ZNF407: variants seen among roughly 807,000 people sequenced by gnomAD.
ZNF407 encodes the protein zinc finger protein 407.
In ZNF407, 17 loss-of-function variants were observed where a neutral mutation model predicts 131.2. That is an observed-to-expected ratio of 0.13 (90% CI 0.09 to 0.19). ZNF407 has a LOEUF of 0.19. ZNF407 is among the 10% of genes least tolerant of loss of function. The probability of loss-of-function intolerance (pLI) is 1.00; values close to 1 mark genes in which losing one functional copy is unlikely to be tolerated. For missense variants in ZNF407, 2,681 were observed against 2,830.6 expected, an observed-to-expected ratio of 0.95 and a Z score of 1.20; for synonymous variants, 1,156 against 1,062.0, an observed-to-expected ratio of 1.09 and a Z score of -1.72.
chr18:74,972,862 G>A (rs1397131029), intron 8 of ZNF407, among the ~76,000 whole-genome samples: 1 of 152,104 alleles, frequency 6.6e-6, no homozygotes, highest in African/African-American at 2.4e-5. Flanking sequence ...CTTCTGTGCA[G>A]TATATAATTG....
At chr18:74,983,277 C>T (rs1458282603) in intron 8 of ZNF407, among the ~76,000 whole-genome samples, 2 of 152,056 alleles carry the variant, frequency 1.3e-5, no homozygotes, top group Non-Finnish European at 2.9e-5. Context: ...CTTTTCCTGC[C>T]ATTGTGTTCT....
At chr18:74,930,025 C>CA (rs1971963878) in intron 8 of ZNF407, among the ~76,000 whole-genome samples, 1 of 152,174 alleles carries the variant, frequency 6.6e-6, no homozygotes, top group Non-Finnish European at 1.5e-5. Flanking sequence ...AGCATTAATA[C>CA]GTTGCCATTT....
chr18:74,674,821 G>C (rs1249794916), intron 3 of ZNF407, among the ~76,000 whole-genome samples: 1 of 152,166 alleles, frequency 6.6e-6, no homozygotes, highest in African/African-American at 2.4e-5. Flanking sequence ...ACAGGATTTG[G>C]CTGAATGTTG....
intron 8 of ZNF407, among the ~76,000 whole-genome samples, chr18:75,039,035 G>A (rs1973342351): frequency 6.6e-6 from 1 of 152,212 alleles, no homozygotes; most frequent in Admixed American, 6.5e-5. Context: ...AGCTTGTGAT[G>A]TACTCTAGTG....
At chr18:74,885,121 A>C (rs1434103461) in intron 6 of ZNF407, among the ~76,000 whole-genome samples, 1 of 152,174 alleles carries the variant, frequency 6.6e-6, no homozygotes, top group African/African-American at 2.4e-5. Context: ...TTGAAAGTAT[A>C]AGATTTATAC....
intron 3 of ZNF407, among the ~76,000 whole-genome samples, chr18:74,777,293 T>A (rs1969492553): frequency 2.6e-5 from 4 of 152,172 alleles, no homozygotes; most frequent in Admixed American, 2.6e-4. Flanking sequence ...AATTTTAAGT[T>A]GTACTGTGTC....
At chr18:74,683,264 G>A (rs773133858) in intron 3 of ZNF407, among the ~76,000 whole-genome samples, 22 of 152,098 alleles carry the variant, frequency 1.4e-4, no homozygotes, top group Non-Finnish European at 2.9e-4. Flanking sequence ...AGAGACTTAC[G>A]CTTTTGATTT....
intron 3 of ZNF407, among the ~76,000 whole-genome samples, chr18:74,668,716 T>G (rs183322997): frequency 1.7e-4 from 26 of 152,340 alleles, no homozygotes; most frequent in African/African-American, 6.3e-4. Context: ...TGCATGAATA[T>G]TGGATCTTTA....
chr18:74,889,999 C>G lies in ZNF407; in HGVS notation c.5210C>G (p.Thr1737Ser), dbSNP rs887068680. The G allele has an allele frequency of 5.0e-6, 8 of 1,603,548 alleles. No homozygotes were observed. The African/African-American group carries it at 1.1e-4, about 21-fold the overall frequency. Reference sequence around the variant, plus strand: ...TTGACTCGGCATAAACGTGTCCACACTGGAGAAAAGCCCTACAGATGCCCC... The same window carrying G: ...TTGACTCGGCATAAACGTGTCCACAGTGGAGAAAAGCCCTACAGATGCCCC... ...SHLTRHKRVHTGEKPYRCPWC... is the reference protein window; with the variant it reads ...SHLTRHKRVHSGEKPYRCPWC... Residue 1737 changes from threonine (T) to serine (S), a missense_variant, in exon 7 of 9, where the codon ACT (threonine) becomes AGT (serine). Transcript: ENST00000299687.
intron 8 of ZNF407, among the ~76,000 whole-genome samples, chr18:74,985,012 A>G (rs922417986): frequency 3.3e-5 from 5 of 152,244 alleles, no homozygotes; most frequent in Non-Finnish European, 5.9e-5. Flanking sequence ...TCTCAGCAAT[A>G]TAAATTACCT....
chr18:74,627,776 CTT>C (rs202180748), intron 1 of ZNF407, among the ~76,000 whole-genome samples: 3,220 of 132,626 alleles, frequency 0.024, 107 homozygotes, highest in African/African-American at 0.086. Flanking sequence ...AGTTTTCTCT[CTT>C]TCTCTCTCTC....
At chr18:74,824,407 C>T (rs1196076554) in intron 4 of ZNF407, among the ~76,000 whole-genome samples, 1 of 151,792 alleles carries the variant, frequency 6.6e-6, no homozygotes, top group African/African-American at 2.4e-5. Context: ...CCCTTCAAAA[C>T]AATCAATGAA....
chr18:74,786,808 T>G (rs1217339028), intron 4 of ZNF407, among the ~76,000 whole-genome samples: 1 of 136,624 alleles, frequency 7.3e-6, no homozygotes, highest in Non-Finnish European at 1.6e-5. Flanking sequence ...TTTTTTTTTT[T>G]TTTTTTTTTT....
chr18:74,736,574 A>T (rs953517368), intron 3 of ZNF407, among the ~76,000 whole-genome samples: 6 of 152,136 alleles, frequency 3.9e-5, no homozygotes, highest in Admixed American at 1.3e-4. Context: ...TTGCTTAATT[A>T]GTACTATTTC....
At chr18:74,741,046 A>G (rs1325484332) in intron 3 of ZNF407, among the ~76,000 whole-genome samples, 4 of 152,188 alleles carry the variant, frequency 2.6e-5, no homozygotes, top group Admixed American at 1.3e-4. Flanking sequence ...GCTGCATCAC[A>G]GGAAGTTTGA....
At chr18:75,000,520 G>A (rs1599287094) in intron 8 of ZNF407, among the ~76,000 whole-genome samples, 1 of 152,148 alleles carries the variant, frequency 6.6e-6, no homozygotes, top group Admixed American at 6.5e-5. Context: ...ATTTAGACCA[G>A]TGTGATCCTC....
Position 74,635,859 on chromosome 18 carries a change from G to A in ZNF407, c.4687+153G>A, listed in dbSNP as rs1032169550. Among the ~76,000 whole-genome samples the A allele has an allele frequency of 2.0e-5, 3 of 152,210 alleles. No homozygotes were observed. The East Asian group carries it at 5.8e-4, about 29-fold the overall frequency. On this transcript the variant is annotated intron_variant, in intron 2 of 8. Coordinates refer to ENST00000299687, the MANE Select transcript of ZNF407 (RefSeq NM_017757.3). The surrounding 1 kb of genome is among the most constrained non-coding windows in gnomAD (Gnocchi z 4.7). ...CTCTGCTTGTCTGCAATAAGTCATT[G>A]TTGACACTTAACATTTTTAAGGGTA...
chr18:74,788,023 T>C (rs769549893), intron 4 of ZNF407, among the ~76,000 whole-genome samples: 22 of 152,214 alleles, frequency 1.4e-4, no homozygotes, highest in Non-Finnish European at 2.5e-4. Context: ...TACTAGCAAA[T>C]CATGTATATG....
At chr18:74,964,653 T>C (rs1972390259) in intron 8 of ZNF407, among the ~76,000 whole-genome samples, 1 of 152,004 alleles carries the variant, frequency 6.6e-6, no homozygotes, top group African/African-American at 2.4e-5. Flanking sequence ...GTCTTTTTTC[T>C]TTTTCATTTC....
Sources: gnomAD v4.1 joint callset for allele counts (sites outside exome capture counted in the v4.1 genomes callset) on GRCh38, gnomAD v4.1.1 for gene constraint, Gnocchi (gnomAD v3.1) non-coding constraint, MANE v1.5 for transcripts, NCBI Gene and HGNC (gene_info 2026-07-23, HGNC 2026-07-21) for gene names.